CSMD2: variants seen among roughly 807,000 people sequenced by gnomAD.
CSMD2 encodes the protein CUB and Sushi multiple domains 2.
A neutral mutation model predicts 398.5 loss-of-function variants in CSMD2; 130 were observed. The observed-to-expected ratio is 0.33, with a 90% CI of 0.28 to 0.38. The LOEUF (loss-of-function observed/expected upper bound fraction) is 0.38, where lower values mean the gene tolerates loss of function less well. Among genes scored for constraint, CSMD2 ranks in the 10% least tolerant of loss-of-function variants. The probability of loss-of-function intolerance (pLI) is 1.00; values close to 1 mark genes in which losing one functional copy is unlikely to be tolerated. For synonymous variants in CSMD2, 1,828 were observed against 1,908.5 expected (o/e 0.96, Z 1.10); for missense variants, 3,829 against 4,764.9 (o/e 0.80, Z 5.78).
intron 6 of CSMD2, among the ~76,000 whole-genome samples, chr1:33,833,833 A>G (rs961767094): frequency 1.4e-4 from 22 of 152,226 alleles, no homozygotes; most frequent in African/African-American, 5.3e-4. Flanking sequence ...TACAAAAATC[A>G]CAAGCATTCT....
chr1:33,629,877 G>T (rs1232794564), intron 32 of CSMD2, among the ~76,000 whole-genome samples: 1 of 151,862 alleles, frequency 6.6e-6, no homozygotes, highest in African/African-American at 2.4e-5. Context: ...CGAGTGGCTG[G>T]GATTACAGGC....
intron 55 of CSMD2, among the ~76,000 whole-genome samples, chr1:33,554,316 C>T (rs1657756830): frequency 6.6e-6 from 1 of 151,608 alleles, no homozygotes; most frequent in South Asian, 2.1e-4. Flanking sequence ...GCCTCAGCCT[C>T]CCGAGTAGCT....
chr1:33,567,480 T>TATATATATATATAC, intron 53 of CSMD2, 113 bp downstream of exon 53: 1 of 314,144 alleles, frequency 3.2e-6, no homozygotes. Context: ...ATAGCAATCA[T>TATATATATATATAC]ATATATATAT....
chr1:33,716,578 A>C (rs1236912738), intron 19 of CSMD2, 77 bp from the exon 20 acceptor site: 2 of 1,025,180 alleles, frequency 2.0e-6, no homozygotes, highest in Non-Finnish European at 3.0e-6. Flanking sequence ...GGATCTACAC[A>C]AACATTTCCA....
chr1:33,861,502 G>A (rs548749317), intron 5 of CSMD2, among the ~76,000 whole-genome samples: 15 of 152,228 alleles, frequency 9.9e-5, no homozygotes, highest in Admixed American at 2.6e-4. Context: ...ACCTCTTCCC[G>A]GGCATGTGGT....
intron 9 of CSMD2, among the ~76,000 whole-genome samples, chr1:33,811,783 A>T (rs768944286): frequency 2.0e-5 from 3 of 152,234 alleles, no homozygotes; most frequent in Admixed American, 6.5e-5. Flanking sequence ...AGTTCTAGCC[A>T]CTTCATTCTT....
chr1:33,993,471 C>T (rs1454949537), intron 3 of CSMD2, among the ~76,000 whole-genome samples: 1 of 152,060 alleles, frequency 6.6e-6, no homozygotes, highest in Admixed American at 6.6e-5. Context: ...CTTGTGTTCT[C>T]GACCCCATCT....
chr1:33,806,607 A>C (rs1184611221), intron 10 of CSMD2, among the ~76,000 whole-genome samples: 1 of 152,252 alleles, frequency 6.6e-6, no homozygotes, highest in Non-Finnish European at 1.5e-5. Flanking sequence ...TGACACTAAC[A>C]GACACAAAAT....
At chr1:33,691,925 C>A (rs1159158813) in intron 25 of CSMD2, among the ~76,000 whole-genome samples, 1 of 152,154 alleles carries the variant, frequency 6.6e-6, no homozygotes, top group Non-Finnish European at 1.5e-5. Context: ...CCAACCTGCT[C>A]TTTTCCTCCT....
chr1:33,602,574 T>A (rs1640300376), intron 42 of CSMD2, 28 bp from the exon 43 acceptor site: 1 of 1,550,592 alleles, frequency 6.4e-7, no homozygotes, highest in Admixed American at 2.0e-5. Flanking sequence ...CAAACGTAAG[T>A]GCAGGGCCTC....
intron 1 of CSMD2, among the ~76,000 whole-genome samples, chr1:34,148,022 C>A (rs574359081): frequency 6.6e-6 from 1 of 151,996 alleles, no homozygotes; most frequent in South Asian, 2.1e-4. Flanking sequence ...GAGGGAGGGG[C>A]CCACAAGGGC....
At chr1:33,592,269 G>C in intron 44 of CSMD2, 1 of 675,340 alleles carries the variant, frequency 1.5e-6, no homozygotes, top group Non-Finnish European at 2.7e-6. Flanking sequence ...ATGGAAAGTA[G>C]AAGAGCAGCA....
chr1:34,028,177 C>T (rs540658157), intron 3 of CSMD2, among the ~76,000 whole-genome samples: 4 of 151,934 alleles, frequency 2.6e-5, no homozygotes, highest in South Asian at 4.2e-4. Context: ...AGAAATTAGC[C>T]GGCTGTGGTG....
chr1:33,634,825 C>G (rs935066059), intron 31 of CSMD2, among the ~76,000 whole-genome samples: 1 of 152,164 alleles, frequency 6.6e-6, no homozygotes, highest in African/African-American at 2.4e-5. Flanking sequence ...AAGCCCAGCT[C>G]CATCCCATTC....
rs531991441 is a variant in CSMD2 at position 33,533,427 on chromosome 1, G to A, written c.9992-198C>T. Among the ~76,000 whole-genome samples, 9 of 152,288 alleles carry A rather than the reference G, an allele frequency of 5.9e-5. No individual in the cohort carries two copies. Among genetic ancestry groups the A allele is most frequent in the South Asian group, 2.1e-4 (1 of 4,822 alleles). ...GGAATGGCCAAGATGGAGATCATGTGGATATCGGCTTGGTTGACTCTGAGT... is the reference window on the plus strand; with the variant it reads ...GGAATGGCCAAGATGGAGATCATGTAGATATCGGCTTGGTTGACTCTGAGT... On this transcript the variant is annotated intron_variant, in intron 63 of 70. Coordinates refer to ENST00000373381, the MANE Select transcript of CSMD2 (RefSeq NM_001281956.2). The surrounding 1 kb of genome is among the most constrained non-coding windows in gnomAD (Gnocchi z 4.2).
At chr1:33,820,844 T>A (rs1411633384) in intron 7 of CSMD2, among the ~76,000 whole-genome samples, 1 of 151,976 alleles carries the variant, frequency 6.6e-6, no homozygotes, top group East Asian at 1.9e-4. Flanking sequence ...GCTTCCCTCG[T>A]CCCACACCAG....
chr1:34,120,545 CTGTAATTTCTTTTTT>C (rs1662070194), intron 1 of CSMD2, among the ~76,000 whole-genome samples: 1 of 152,046 alleles, frequency 6.6e-6, no homozygotes, highest in African/African-American at 2.4e-5. Flanking sequence ...TAATTGGTAA[CTGTAATTTCTTTTTT>C]TGAGATTGAG....
At chr1:33,792,333 G>A in intron 11 of CSMD2, 90 bp downstream of exon 11, 2 of 841,032 alleles carry the variant, frequency 2.4e-6, no homozygotes, top group Non-Finnish European at 2.1e-6. Flanking sequence ...CTGTAGTATG[G>A]TCTAGGGACC....
At chr1:33,579,413 G>A (rs187915608) in intron 48 of CSMD2, among the ~76,000 whole-genome samples, 15 of 152,206 alleles carry the variant, frequency 9.9e-5, no homozygotes, top group African/African-American at 2.9e-4. Flanking sequence ...ACCCCTCTCC[G>A]TGTGCACCAG....
Sources: allele counts gnomAD v4.1 joint callset (sites outside exome capture counted in the v4.1 genomes callset), GRCh38; gene constraint gnomAD v4.1.1; non-coding constraint Gnocchi (gnomAD v3.1); transcripts MANE v1.5; gene names NCBI Gene and HGNC (gene_info 2026-07-23, HGNC 2026-07-21).